Variants in RAP1A observed in about 807,000 individuals in gnomAD.
The protein encoded by RAP1A is ras-related protein Rap-1A.
RAP1A carries 6 observed loss-of-function variants against 26.4 expected under a neutral mutation model. That is an observed-to-expected ratio of 0.23 (90% CI 0.12 to 0.45). The LOEUF is 0.45. Among genes scored for constraint, RAP1A ranks in the 20% least tolerant of loss-of-function variants. The probability of loss-of-function intolerance (pLI) is 0.99; values close to 1 mark genes in which losing one functional copy is unlikely to be tolerated. For synonymous variants in RAP1A, 73 were observed against 79.4 expected (o/e 0.92, Z 0.43); for missense variants, 121 against 217.2 (o/e 0.56, Z 2.78).
chr1:111,660,193 T>C (rs1660585986), intron 1 of RAP1A, among the ~76,000 whole-genome samples: 1 of 152,230 alleles, frequency 6.6e-6, no homozygotes, highest in Non-Finnish European at 1.5e-5. Context: ...TGTAACTTGG[T>C]GGTTTTTTCT....
At chr1:111,605,950 C>T (rs147723464) in intron 1 of RAP1A, among the ~76,000 whole-genome samples, 1 of 152,318 alleles carries the variant, frequency 6.6e-6, no homozygotes, top group East Asian at 1.9e-4. Context: ...AGCAGGAGGG[C>T]ACCTCTGATG....
At chr1:111,650,075 TTG>T (rs897764221) in intron 1 of RAP1A, among the ~76,000 whole-genome samples, 3 of 150,366 alleles carry the variant, frequency 2.0e-5, no homozygotes, top group African/African-American at 7.3e-5. Flanking sequence ...TAAGTAATAT[TTG>T]TGGAGTGGTA....
chr1:111,683,392 T>A (rs188806303), intron 1 of RAP1A, among the ~76,000 whole-genome samples: 4 of 151,932 alleles, frequency 2.6e-5, no homozygotes, highest in East Asian at 1.9e-4. Flanking sequence ...CTGGTTTTTT[T>A]AAAAGATTAA....
intron 1 of RAP1A, among the ~76,000 whole-genome samples, chr1:111,594,795 T>G (rs1658535971): frequency 6.6e-6 from 1 of 152,146 alleles, no homozygotes; most frequent in South Asian, 2.1e-4. Context: ...CAAGGAAGCA[T>G]ATTCTTGGCC....
chr1:111,600,850 C>G (rs1658657468), intron 1 of RAP1A, among the ~76,000 whole-genome samples: 1 of 152,138 alleles, frequency 6.6e-6, no homozygotes, highest in Non-Finnish European at 1.5e-5. Context: ...TTATTTTTTT[C>G]TCTCTTGCTA....
chr1:111,605,742 T>C (rs781777051), intron 1 of RAP1A, among the ~76,000 whole-genome samples: 10 of 152,206 alleles, frequency 6.6e-5, no homozygotes, highest in Non-Finnish European at 1.5e-4. Context: ...TGTGCCTTGC[T>C]GAAGTCATGT....
intron 1 of RAP1A, chr1:111,648,740 C>T (rs1660161720): frequency 3.4e-6 from 2 of 596,836 alleles, no homozygotes; most frequent in Admixed American, 4.0e-5. Flanking sequence ...GCGTGGTGAC[C>T]ACTGTGGTGC....
intron 1 of RAP1A, among the ~76,000 whole-genome samples, chr1:111,585,620 T>C (rs7516113): frequency 0.18 from 28,140 of 152,158 alleles, 4,957 homozygotes; most frequent in African/African-American, 0.46. Context: ...AAATTTCCTC[T>C]GCCTCAAACA....
chr1:111,622,330 T>G (rs2789542), intron 1 of RAP1A, among the ~76,000 whole-genome samples: 9,170 of 152,278 alleles, frequency 0.06, 295 homozygotes, highest in South Asian at 0.087. Context: ...CCCAGCTATT[T>G]CCCTAATCTC....
Position 111,549,885 on chromosome 1 carries a change from T to C in RAP1A, c.-28+7376T>C, listed in dbSNP as rs1657193011. On this transcript the variant is annotated intron_variant, in intron 1 of 7. Transcript: ENST00000356415. ...ACAGACTGGCCTTAAACTCCTAGCC[T>C]CAAGTAATCCTCCTGTCCCAGCCTA... Among the ~76,000 whole-genome samples the C allele has an allele frequency of 2.0e-5, 3 of 152,138 alleles. 1 individual carries two copies.
At chr1:111,645,875 G>T (rs1660049683) in intron 1 of RAP1A, among the ~76,000 whole-genome samples, 1 of 152,148 alleles carries the variant, frequency 6.6e-6, no homozygotes, top group African/African-American at 2.4e-5. Flanking sequence ...TCGTGGGTTA[G>T]GAGAAAAGGA....
chr1:111,574,437 A>G (rs1367620632), intron 1 of RAP1A, among the ~76,000 whole-genome samples: 3 of 152,184 alleles, frequency 2.0e-5, no homozygotes, highest in African/African-American at 2.4e-5. Flanking sequence ...TTGGCTATTC[A>G]GGCTCTGTTT....
At chr1:111,688,809 T>G (rs1186311070) in intron 1 of RAP1A, among the ~76,000 whole-genome samples, 18 of 85,266 alleles carry the variant, frequency 2.1e-4, no homozygotes, top group Non-Finnish European at 3.8e-4. Context: ...TTTGTTTTTG[T>G]TTTTTTTTTT....
intron 1 of RAP1A, among the ~76,000 whole-genome samples, chr1:111,690,699 A>G (rs1167889175): frequency 6.6e-6 from 1 of 152,128 alleles, no homozygotes; most frequent in Non-Finnish European, 1.5e-5. Context: ...CTGTTTTTAT[A>G]CCTTTTAAGA....
At chr1:111,622,030 T>A (rs887627568) in intron 1 of RAP1A, among the ~76,000 whole-genome samples, 8 of 152,216 alleles carry the variant, frequency 5.3e-5, no homozygotes, top group African/African-American at 1.9e-4. Flanking sequence ...CATGTTCATT[T>A]AATTATTTTA....
In RAP1A at chr1:111,704,370, T is replaced by C; in HGVS notation, c.352T>C (p.Cys118Arg). The C allele has an allele frequency of 6.2e-7, 1 of 1,613,922 alleles. No individual in the cohort carries two copies. Among genetic ancestry groups the C allele is most frequent in the South Asian group, 1.1e-5 (1 of 91,084 alleles). ...DVPMILVGNK[C>R]DLEDERVVGK... ...TCCAATGATTTTGGTTGGCAATAAA[T>C]GTGACCTGGAAGATGAGCGAGTAGT... The change falls in exon 6 of 8, where the codon TGT becomes CGT. Residue 118 changes from cysteine (C) to arginine (R), a missense_variant. By Grantham distance (180) the Cys-to-Arg change is radical (BLOSUM62 -3). Coordinates refer to ENST00000369709, the MANE Select transcript of RAP1A (RefSeq NM_002884.4).
At chr1:111,620,442 G>C (rs913767524) in intron 1 of RAP1A, among the ~76,000 whole-genome samples, 2 of 152,200 alleles carry the variant, frequency 1.3e-5, no homozygotes, top group South Asian at 2.1e-4. Context: ...CGCGGGGGCG[G>C]GGGGGAGGGA....
intron 1 of RAP1A, chr1:111,564,056 G>T (rs1657854796): frequency 2.4e-6 from 2 of 818,230 alleles, no homozygotes; most frequent in African/African-American, 3.3e-5. Flanking sequence ...TCCCTGTTTT[G>T]GGGGGTAGAG....
intron 1 of RAP1A, among the ~76,000 whole-genome samples, chr1:111,639,405 A>T (rs1346110581): frequency 7.4e-6 from 1 of 135,494 alleles, no homozygotes; most frequent in Non-Finnish European, 1.6e-5. Flanking sequence ...TTGCAGAAGA[A>T]TTACACTTTG....
Sources: allele counts gnomAD v4.1 joint callset (sites outside exome capture counted in the v4.1 genomes callset), GRCh38; gene constraint gnomAD v4.1.1; transcripts MANE v1.5; gene names NCBI Gene and HGNC (gene_info 2026-07-23, HGNC 2026-07-21).